The following TGM2 variants were observed in gnomAD, a reference collection of about 807,000 sequenced individuals.
TGM2 encodes the protein protein-glutamine gamma-glutamyltransferase 2.
A neutral mutation model predicts 75.6 loss-of-function variants in TGM2; 53 were observed. The ratio of observed to expected loss-of-function variants is 0.70; its 90% CI spans 0.56 to 0.88. The LOEUF (loss-of-function observed/expected upper bound fraction) is 0.88. Among genes scored for constraint, TGM2 ranks in the 40% least tolerant of loss-of-function variants. The pLI, the probability that TGM2 is intolerant of heterozygous loss-of-function variation, is 0.00. For synonymous variants in TGM2, 374 were observed against 381.1 expected (o/e 0.98, Z 0.22); for missense variants, 842 against 928.5 (o/e 0.91, Z 1.21).
intron 6 of TGM2, chr20:38,146,487 C>T (rs1391823066): frequency 3.1e-6 from 2 of 650,934 alleles, no homozygotes; most frequent in Admixed American, 2.3e-5. Context: ...AGTTCTCAGC[C>T]CTGAGCCCAT....
chr20:38,156,929 C>T (rs983732502), intron 2 of TGM2, among the ~76,000 whole-genome samples: 1 of 152,150 alleles, frequency 6.6e-6, no homozygotes, highest in Non-Finnish European at 1.5e-5. Flanking sequence ...GAGGACACTC[C>T]CCAGCCGGGT....
At chr20:38,130,506 C>A (rs1012723759) in intron 12 of TGM2, 137 bp from the exon 13 acceptor site, 4 of 960,232 alleles carry the variant, frequency 4.2e-6, no homozygotes, top group Non-Finnish European at 6.1e-6. Context: ...CGGCCCTCTG[C>A]GGGGCCTGGA....
At chr20:38,142,770 C>T (rs1318373810) in intron 6 of TGM2, among the ~76,000 whole-genome samples, 1 of 152,218 alleles carries the variant, frequency 6.6e-6, no homozygotes, top group African/African-American at 2.4e-5. Flanking sequence ...CTTGGTTCCC[C>T]ATGGCCCTTG....
At chr20:38,165,847 T>C (rs1345601542), upstream of TGM2, among the ~76,000 whole-genome samples, 1 of 151,370 alleles carries the variant, frequency 6.6e-6, no homozygotes. Flanking sequence ...CACAGTGACA[T>C]GGATACAAAT....
chr20:38,163,842 A>G (rs1043339802), intron 1 of TGM2, among the ~76,000 whole-genome samples: 1 of 152,212 alleles, frequency 6.6e-6, no homozygotes, highest in African/African-American at 2.4e-5. Context: ...TGTTGTTCCC[A>G]TGGAAGACCC....
At chr20:38,138,898 A>C (rs774789238) in intron 9 of TGM2, among the ~76,000 whole-genome samples, 16 of 151,804 alleles carry the variant, frequency 1.1e-4, no homozygotes, top group Admixed American at 6.6e-4. Context: ...TGTTGGGTGC[A>C]TATCTATTTA....
At chr20:38,154,072 C>A (rs945666443) in intron 3 of TGM2, among the ~76,000 whole-genome samples, 1 of 152,142 alleles carries the variant, frequency 6.6e-6, no homozygotes, top group Admixed American at 6.5e-5. Context: ...CCTGCCTCAG[C>A]CTCTCAAAGT....
At chr20:38,163,377 C>T (rs1408413483) in intron 1 of TGM2, among the ~76,000 whole-genome samples, 2 of 152,164 alleles carry the variant, frequency 1.3e-5, no homozygotes, top group Non-Finnish European at 1.5e-5. Context: ...TGCTCACCAT[C>T]GACTATTCCA....
At chr20:38,142,739 C>A (rs1478424468) in intron 6 of TGM2, among the ~76,000 whole-genome samples, 1 of 152,218 alleles carries the variant, frequency 6.6e-6, no homozygotes, top group Non-Finnish European at 1.5e-5. Flanking sequence ...TCTGATGTCA[C>A]CACTCCTGTG....
intron 1 of TGM2, 60 bp from the exon 2 acceptor site, chr20:38,161,659 C>T (rs566403358): frequency 1.3e-6 from 2 of 1,592,164 alleles, no homozygotes; most frequent in East Asian, 2.2e-5. Context: ...TCCAGTGATG[C>T]ACCTGCCCTC....
rs1568692345 is a variant in TGM2 at position 38,146,794 on chromosome 20, A to T, written c.782T>A (p.Leu261Gln). 1.2e-6 allele frequency: 2 copies of T among 1,613,952 alleles called. No individual in the cohort carries two copies. ...PMSWIGSVDI[L>Q]RRWKNHGCQR... ...GCAGCCGTGGTTCTTCCAGCGCCGC[A>T]GGATGTCCACGCTGCCGATCCAGGA... Residue 261 changes from leucine to glutamine, a missense_variant, in exon 6 of 13, where the codon CTG (leucine) becomes CAG (glutamine). By Grantham distance (113) the Leu-to-Gln change is moderately radical. Coordinates refer to ENST00000361475, the MANE Select transcript of TGM2 (RefSeq NM_004613.4).
rs2074812543 is a variant in TGM2 at position 38,130,380 on chromosome 20, A to AGAGGGGGT, written c.1914-19_1914-12dup. On this transcript the variant is annotated splice_polypyrimidine_tract_variant and intron_variant, in intron 12 of 12. Coordinates refer to ENST00000361475, the MANE Select transcript of TGM2 (RefSeq NM_004613.4). The stretch of plus-strand genomic sequence containing the variant: ...TCCACGGGGTCTGGGCTGCAGGGAG[A>AGAGGGGGT]GAGGGGGTGGTGAGGAAAGGGGCCC... 6.3e-7 allele frequency: 1 copy of AGAGGGGGT among 1,579,466 alleles called. No homozygotes were observed. The highest frequency in any genetic ancestry group is 1.7e-4 in the Middle Eastern group (1 of 6,004).
chr20:38,155,901 C>T lies in TGM2; in HGVS notation c.379G>A (p.Gly127Arg). 1 of 1,606,708 alleles carries T rather than the reference C, an allele frequency of 6.2e-7. No individual in the cohort carries two copies. Among genetic ancestry groups the T allele is most frequent in the East Asian group, 2.2e-5 (1 of 44,636 alleles). The change falls in exon 3 of 13, where the codon GGA becomes AGA. Residue 127 changes from glycine to arginine, a missense_variant. Physicochemically the swap from Gly to Arg is moderately radical, Grantham distance 125. Coordinates refer to ENST00000361475, the MANE Select transcript of TGM2 (RefSeq NM_004613.4). ...AAGTGGCCCAGCACAAAGCTGGATC[C>T]CTGGTAGCCAGTGGAGGCCTCCAGG... ...LSLEASTGYQ[G>R]SSFVLGHFIL...
rs2075051698 is a variant in TGM2 at position 38,146,809 on chromosome 20, C to T, written c.767G>A (p.Gly256Asp). ...GDGVSPMSWI[G>D]SVDILRRWKN... ...CCAGCGCCGCAGGATGTCCACGCTG[C>T]CGATCCAGGACATGGGGCTGACGCC... The change falls in exon 6 of 13, where the codon GGC becomes GAC. Residue 256 changes from glycine (G) to aspartate (D), a missense_variant. Physicochemically the swap from Gly to Asp is moderately conservative, Grantham distance 94. Coordinates refer to ENST00000361475, the MANE Select transcript of TGM2 (RefSeq NM_004613.4). 1.2e-6 allele frequency: 2 copies of T among 1,613,920 alleles called. No individual in the cohort carries two copies.
At chr20:38,149,939 A>AGATTTCCCT (rs1174410890) in intron 4 of TGM2, among the ~76,000 whole-genome samples, 1 of 152,152 alleles carries the variant, frequency 6.6e-6, no homozygotes, top group African/African-American at 2.4e-5. Flanking sequence ...CATACAGGGA[A>AGATTTCCCT]GATTTCCCTA....
At chr20:38,163,041 G>A (rs973406769) in intron 1 of TGM2, among the ~76,000 whole-genome samples, 7 of 152,186 alleles carry the variant, frequency 4.6e-5, no homozygotes, top group East Asian at 1.9e-4. Flanking sequence ...GAGTCTAGAA[G>A]ATGTGTTGGG....
At chr20:38,133,277 G>C (rs986376412) in intron 10 of TGM2, 1 of 175,668 alleles carries the variant, frequency 5.7e-6, no homozygotes, top group African/African-American at 2.3e-5. Flanking sequence ...CTCAGATTGG[G>C]AGACTTGCCT....
At chr20:38,141,455 AC>A (rs1255450426) in intron 7 of TGM2, 70 bp from the exon 8 acceptor site, 3 of 1,183,944 alleles carry the variant, frequency 2.5e-6, no homozygotes, top group Non-Finnish European at 3.7e-6. Context: ...CCACGGGCAG[AC>A]CATGCATTCA....
chr20:38,127,874 T>C lies in TGM2; in HGVS notation c.*2345A>G, dbSNP rs561761259. 6.6e-6 allele frequency: 1 copy of C among 152,330 alleles called. No homozygotes were observed. Among genetic ancestry groups the C allele is most frequent in the South Asian group, 2.1e-4 (1 of 4,834 alleles). The allele number at this position is 152,330 out of a possible 1,614,324, so 9.4% of individuals were successfully genotyped here. A position where few individuals can be genotyped will look rare whatever the true frequency, so the allele number is the denominator to read the frequency against. On this transcript the variant is annotated 3_prime_UTR_variant, in exon 13 of 13. Coordinates refer to ENST00000361475, the MANE Select transcript of TGM2 (RefSeq NM_004613.4). ...GCATTTGTGGCTCATGTATTATTTC[T>C]ATGGGACAGCACAGGTCTTGTGGGA...
Sources: allele counts gnomAD v4.1 joint callset (sites outside exome capture counted in the v4.1 genomes callset), GRCh38; gene constraint gnomAD v4.1.1; transcripts MANE v1.5; gene names NCBI Gene and HGNC (gene_info 2026-07-23, HGNC 2026-07-21).